Variants in KCNS3 observed in about 807,000 individuals in gnomAD.
KCNS3 encodes the protein delayed-rectifier potassium channel regulatory subunit KCNS3.
Under a neutral mutation model 31.0 loss-of-function variants are expected in KCNS3, and 13 were observed. The ratio of observed to expected loss-of-function variants is 0.42; its 90% confidence interval spans 0.27 to 0.67. The LOEUF is 0.67. Ranked by LOEUF, KCNS3 falls within the 30% of genes least tolerant of loss-of-function variation. The pLI is 0.25. For missense variants in KCNS3, 545 were observed against 622.4 expected (o/e 0.88, Z 1.32); for synonymous variants, 238 against 241.5 (o/e 0.99, Z 0.13).
At chr2:17,915,791 C>T (rs779306641) in intron 1 of KCNS3, among the ~76,000 whole-genome samples, 2 of 152,078 alleles carry the variant, frequency 1.3e-5, no homozygotes, top group Non-Finnish European at 2.9e-5. Flanking sequence ...TACATAAATT[C>T]ATAACAAGAG....
intron 2 of KCNS3, among the ~76,000 whole-genome samples, chr2:17,922,826 G>A (rs1448109614): frequency 1.3e-5 from 2 of 152,122 alleles, no homozygotes; most frequent in Non-Finnish European, 2.9e-5. Flanking sequence ...GATCCAGGTT[G>A]TAGTCTGTCA....
At chr2:17,930,477 G>T (rs1662934386) in intron 2 of KCNS3, among the ~76,000 whole-genome samples, 1 of 152,118 alleles carries the variant, frequency 6.6e-6, no homozygotes, top group South Asian at 2.1e-4. Flanking sequence ...TGAGTGTGTT[G>T]GGGGCATGAC....
intron 1 of KCNS3, among the ~76,000 whole-genome samples, chr2:17,884,632 G>T (rs1661570640): frequency 6.6e-6 from 1 of 152,108 alleles, no homozygotes; most frequent in African/African-American, 2.4e-5. Flanking sequence ...TTGTGAAAGG[G>T]AGCAGAGAGA....
At chr2:17,907,393 T>G (rs1662351255) in intron 1 of KCNS3, among the ~76,000 whole-genome samples, 1 of 152,230 alleles carries the variant, frequency 6.6e-6, no homozygotes, top group African/African-American at 2.4e-5. Flanking sequence ...AGCGCACTGA[T>G]GGGTCTTGAC....
At chr2:17,888,627 A>ATG (rs1553341392) in intron 1 of KCNS3, among the ~76,000 whole-genome samples, 80 of 57,714 alleles carry the variant, frequency 1.4e-3, no homozygotes, top group African/African-American at 3.2e-3. Context: ...AATAAAAAAA[A>ATG]TGTATATATA....
At chr2:17,916,769 G>A (rs375589904) in intron 1 of KCNS3, among the ~76,000 whole-genome samples, 4,303 of 151,956 alleles carry the variant, frequency 0.028, 159 homozygotes, top group African/African-American at 0.085. Context: ...CTAAGATAAT[G>A]CCCAGCAGAT....
chr2:17,923,299 T>C (rs772126898), intron 2 of KCNS3, among the ~76,000 whole-genome samples: 1 of 152,172 alleles, frequency 6.6e-6, no homozygotes, highest in Non-Finnish European at 1.5e-5. Flanking sequence ...ATTTGCCCAT[T>C]TTAAAGGAGT....
intron 1 of KCNS3, among the ~76,000 whole-genome samples, chr2:17,895,227 C>T (rs1456201287): frequency 6.6e-6 from 1 of 151,644 alleles, no homozygotes; most frequent in Non-Finnish European, 1.5e-5. Context: ...TTTTTTTAAC[C>T]TCATGAAGTA....
chr2:17,900,365 T>C (rs73918976), intron 1 of KCNS3, among the ~76,000 whole-genome samples: 8,441 of 151,776 alleles, frequency 0.056, 582 homozygotes, highest in African/African-American at 0.17. Context: ...TAGGGAGAGG[T>C]CTGGGGTCTG....
At chr2:17,913,973 C>T (rs749731312) in intron 1 of KCNS3, among the ~76,000 whole-genome samples, 2 of 152,108 alleles carry the variant, frequency 1.3e-5, no homozygotes, top group Non-Finnish European at 2.9e-5. Context: ...GACATCTTGC[C>T]GTAGAAGTTT....
chr2:17,879,646 GC>G (rs1191514636), intron 1 of KCNS3, among the ~76,000 whole-genome samples: 1 of 152,156 alleles, frequency 6.6e-6, no homozygotes, highest in Non-Finnish European at 1.5e-5. Flanking sequence ...CTGGCTGGGC[GC>G]CTTTCGCATT....
chr2:17,896,331 T>C (rs573884915), intron 1 of KCNS3, among the ~76,000 whole-genome samples: 1 of 152,108 alleles, frequency 6.6e-6, no homozygotes, highest in African/African-American at 2.4e-5. Flanking sequence ...GGGATTACAG[T>C]TGTGAGCCAC....
Position 17,930,876 on chromosome 2 carries a change from A to T in KCNS3, c.-59-74A>T. The stretch of plus-strand genomic sequence containing the variant: ...CTTTTAATGTAGCCCATCCTCCTGG[A>T]AAGGGCAGATTAAAAATAAGCTTGG... On this transcript the variant is annotated intron_variant, in intron 2 of 2. Coordinates refer to ENST00000304101, the MANE Select transcript of KCNS3 (RefSeq NM_002252.5). 5.3e-6 allele frequency: 5 copies of T among 952,136 alleles called. No individual in the cohort carries two copies. In the South Asian group the frequency reaches 7.2e-5, roughly 14 times the overall value. The allele number at this position is 952,136 out of a possible 1,614,324, so 59.0% of individuals were successfully genotyped here. A position where few individuals can be genotyped will look rare whatever the true frequency, so the allele number is the denominator to read the frequency against.
chr2:17,925,776 G>A (rs1662825318), intron 2 of KCNS3, among the ~76,000 whole-genome samples: 1 of 152,104 alleles, frequency 6.6e-6, no homozygotes, highest in African/African-American at 2.4e-5. Context: ...TTTGGGTGGG[G>A]ACACAAAGCC....
At chr2:17,900,257 A>G (rs1479420038) in intron 1 of KCNS3, among the ~76,000 whole-genome samples, 1 of 152,200 alleles carries the variant, frequency 6.6e-6, no homozygotes, top group Non-Finnish European at 1.5e-5. Context: ...TGTGGAGACA[A>G]TGAGTAAACT....
At chr2:17,897,014 T>C (rs1662044961) in intron 1 of KCNS3, among the ~76,000 whole-genome samples, 2 of 152,132 alleles carry the variant, frequency 1.3e-5, no homozygotes, top group African/African-American at 4.8e-5. Flanking sequence ...TAATACCAAA[T>C]AGGTAGTTTT....
At chr2:17,909,070 G>A (rs551129035) in intron 1 of KCNS3, among the ~76,000 whole-genome samples, 2 of 152,362 alleles carry the variant, frequency 1.3e-5, no homozygotes, top group South Asian at 4.1e-4. Flanking sequence ...AGTCTACAGA[G>A]GCAGGCAGGC....
intron 1 of KCNS3, among the ~76,000 whole-genome samples, chr2:17,903,511 G>T (rs1662237171): frequency 6.6e-6 from 1 of 151,910 alleles, no homozygotes; most frequent in Non-Finnish European, 1.5e-5. Flanking sequence ...CAGTGTGCAG[G>T]TTTGTTACAT....
chr2:17,882,118 C>T (rs1490027681), intron 1 of KCNS3, among the ~76,000 whole-genome samples: 1 of 152,156 alleles, frequency 6.6e-6, no homozygotes, highest in Non-Finnish European at 1.5e-5. Context: ...GTGCTAAGTG[C>T]CCAGTACTAC....
Sources: allele counts gnomAD v4.1 joint callset (sites outside exome capture counted in the v4.1 genomes callset), GRCh38; gene constraint gnomAD v4.1.1; transcripts MANE v1.5; gene names NCBI Gene and HGNC (gene_info 2026-07-23, HGNC 2026-07-21).